Variants in MCTP2 observed in about 807,000 individuals in gnomAD.
MCTP2 encodes multiple C2 and transmembrane domain containing 2.
Under a neutral mutation model 111.6 loss-of-function variants are expected in MCTP2, and 132 were observed. That is an observed-to-expected ratio of 1.18 (90% CI 1.03 to 1.37). MCTP2 has a LOEUF of 1.37. Among genes scored for constraint, MCTP2 ranks in the 40% most tolerant of loss-of-function variants. MCTP2 has a pLI of 0.00. For missense variants in MCTP2, 1,183 were observed against 1,067.9 expected (o/e 1.11, Z -1.50); for synonymous variants, 395 against 387.7 (o/e 1.02, Z -0.22).
At chr15:94,407,731 A>G (rs956465007) in intron 17 of MCTP2, among the ~76,000 whole-genome samples, 1 of 152,038 alleles carries the variant, frequency 6.6e-6, no homozygotes, top group Non-Finnish European at 1.5e-5. Context: ...TAAAAACAAC[A>G]GTAGCAGTAA....
At chr15:94,309,097 C>G (rs2076015518) in intron 2 of MCTP2, among the ~76,000 whole-genome samples, 1 of 152,154 alleles carries the variant, frequency 6.6e-6, no homozygotes, top group Non-Finnish European at 1.5e-5. Flanking sequence ...TAAGAACAGA[C>G]TTGGCCGTTT....
intron 4 of MCTP2, among the ~76,000 whole-genome samples, chr15:94,318,688 C>A (rs1254661523): frequency 1.3e-5 from 2 of 152,170 alleles, no homozygotes; most frequent in African/African-American, 4.8e-5. Context: ...TGCTGTCAGG[C>A]AATACTATAC....
chr15:94,414,427 G>A (rs532061865), intron 17 of MCTP2, among the ~76,000 whole-genome samples: 1 of 152,238 alleles, frequency 6.6e-6, no homozygotes, highest in South Asian at 2.1e-4. Flanking sequence ...AAAATATTCA[G>A]TTCTCTGCTC....
chr15:94,427,501 G>A (rs1024776752), intron 17 of MCTP2, among the ~76,000 whole-genome samples: 2 of 152,140 alleles, frequency 1.3e-5, no homozygotes, highest in Admixed American at 1.3e-4. Context: ...CAGCAAGGAA[G>A]AGAGAAGTGC....
Position 94,245,278 on chromosome 15 carries a change from A to G in MCTP2, c.-66+13614A>G, listed in dbSNP as rs142332743. ...TATATATACATATGTGTATATACGT[A>G]TATACACATATGTATATATTTATAT... On this transcript the variant is annotated intron_variant, in intron 1 of 22. Transcript: ENST00000357742. Among the ~76,000 whole-genome samples, 251 of 142,076 alleles carry G rather than the reference A, an allele frequency of 1.8e-3. 1 individual carries two copies. Among genetic ancestry groups the G allele is most frequent in the Non-Finnish European group, 3.0e-3 (198 of 65,532 alleles). The allele number at this position is 142,076 out of a possible 152,430, so 93.2% of individuals were successfully genotyped here. A position where few individuals can be genotyped will look rare whatever the true frequency, so the allele number is the denominator to read the frequency against.
At chr15:94,303,096 ATAGTT>A (rs1272033648) in intron 2 of MCTP2, among the ~76,000 whole-genome samples, 4 of 139,334 alleles carry the variant, frequency 2.9e-5, no homozygotes, top group African/African-American at 8.2e-5. Flanking sequence ...TATAGTTTAT[ATAGTT>A]TATATATATA....
chr15:94,355,485 A>G (rs1399038129), intron 8 of MCTP2, among the ~76,000 whole-genome samples: 4 of 152,208 alleles, frequency 2.6e-5, no homozygotes, highest in South Asian at 4.1e-4. Context: ...ATAATTTAGC[A>G]AAGGAAATAA....
chr15:94,273,654 G>T, intron 1 of MCTP2: 1 of 196,252 alleles, frequency 5.1e-6, no homozygotes, highest in Admixed American at 5.1e-5. Flanking sequence ...CAAGGACCAC[G>T]AGGTCCAGGT....
chr15:94,442,438 C>T (rs2083835103), intron 18 of MCTP2, among the ~76,000 whole-genome samples: 1 of 152,188 alleles, frequency 6.6e-6, no homozygotes, highest in Non-Finnish European at 1.5e-5. Context: ...AATAATGCCA[C>T]AGAGAAACCT....
chr15:94,385,558 G>A, intron 14 of MCTP2, 33 bp downstream of exon 14: 1 of 1,448,160 alleles, frequency 6.9e-7, no homozygotes, highest in East Asian at 2.3e-5. Context: ...CAATTTGTGA[G>A]TCATTTTATA....
intron 4 of MCTP2, among the ~76,000 whole-genome samples, chr15:94,322,010 A>G (rs2076651847): frequency 6.6e-6 from 1 of 152,174 alleles, no homozygotes; most frequent in South Asian, 2.1e-4. Context: ...GAGGAGGTGA[A>G]AGACCAGGGT....
chr15:94,245,742 A>T (rs1025074060), intron 1 of MCTP2, among the ~76,000 whole-genome samples: 1 of 149,688 alleles, frequency 6.7e-6, no homozygotes, highest in East Asian at 1.9e-4. Context: ...ATATCTATAT[A>T]GACAAAAGAG....
intron 14 of MCTP2, among the ~76,000 whole-genome samples, chr15:94,386,129 A>C (rs1042621889): frequency 2.0e-5 from 3 of 152,176 alleles, no homozygotes; most frequent in African/African-American, 7.2e-5. Flanking sequence ...AAAAATACTT[A>C]CAAAATTCAG....
intron 1 of MCTP2, among the ~76,000 whole-genome samples, chr15:94,244,378 G>A (rs2071548068): frequency 1.4e-5 from 2 of 147,836 alleles, no homozygotes; most frequent in Non-Finnish European, 3.0e-5. Flanking sequence ...ATACGTATAT[G>A]TATACACATA....
At chr15:94,389,847 TA>T (rs2080769239) in intron 14 of MCTP2, among the ~76,000 whole-genome samples, 1 of 151,990 alleles carries the variant, frequency 6.6e-6, no homozygotes, top group South Asian at 2.1e-4. Context: ...ACTATATTTT[TA>T]AATGTCTAAG....
rs376127400 is a variant in MCTP2 at position 94,335,525 on chromosome 15, T to C, written c.638-3765T>C. ...TTCCATAATAAAGGGGCTCATTTAA[T>C]TCCATAAGCAAAAGACAAAACCATG... On this transcript the variant is annotated intron_variant, in intron 4 of 22. Transcript: ENST00000357742. Among the ~76,000 whole-genome samples the C allele has an allele frequency of 2.4e-4, 36 of 152,304 alleles. 1 individual carries two copies. The South Asian group carries it at 6.2e-3, about 26-fold the overall frequency.
chr15:94,298,674 G>A lies in MCTP2; in HGVS notation c.409G>A (p.Gly137Ser), dbSNP rs374312706. 121 of 1,613,388 alleles carry A rather than the reference G, an allele frequency of 7.5e-5. No individual in the cohort carries two copies. The highest frequency in any genetic ancestry group is 1.6e-4 in the Middle Eastern group (1 of 6,082). ...PAERRRVSSNGIFDLQKTSLG... is the reference protein window; with the variant it reads ...PAERRRVSSNSIFDLQKTSLG... ...TGAGCGGAGACGGGTGTCCAGCAAC[G>A]GCATCTTTGATCTTCAGAAAACTTC... Residue 137 changes from glycine (G) to serine (S), a missense_variant, in exon 2 of 23, where the codon GGC (glycine) becomes AGC (serine). By Grantham distance (56) the Gly-to-Ser change is moderately conservative. Coordinates refer to ENST00000357742, the MANE Select transcript of MCTP2 (RefSeq NM_001385001.1).
chr15:94,478,560 C>T (rs1284216506), intron 22 of MCTP2, among the ~76,000 whole-genome samples: 4 of 152,084 alleles, frequency 2.6e-5, no homozygotes, highest in Admixed American at 2.0e-4. Flanking sequence ...TATAATTTTC[C>T]GAGATGTTTT....
At chr15:94,440,584 G>A (rs1197467984) in intron 18 of MCTP2, among the ~76,000 whole-genome samples, 1 of 152,216 alleles carries the variant, frequency 6.6e-6, no homozygotes, top group East Asian at 1.9e-4. Context: ...CTGATTCTCT[G>A]TAGAGTTCCT....
Sources: gnomAD v4.1 joint callset for allele counts (sites outside exome capture counted in the v4.1 genomes callset) on GRCh38, gnomAD v4.1.1 for gene constraint, MANE v1.5 for transcripts, NCBI Gene and HGNC (gene_info 2026-07-23, HGNC 2026-07-21) for gene names.